Variants in RBFOX1 observed in about 807,000 individuals in gnomAD.
The protein encoded by RBFOX1 is RNA binding fox-1 homolog 1.
Under a neutral mutation model 57.7 loss-of-function variants are expected in RBFOX1, and 8 were observed. The ratio of observed to expected loss-of-function variants is 0.14; its 90% CI spans 0.08 to 0.25. The LOEUF (loss-of-function observed/expected upper bound fraction) is 0.25. Ranked by LOEUF, RBFOX1 falls within the 10% of genes least tolerant of loss-of-function variation. The pLI, the probability that RBFOX1 is intolerant of heterozygous loss-of-function variation, is 1.00. For missense variants in RBFOX1, 611 were observed against 548.5 expected (o/e 1.11, Z -1.14); for synonymous variants, 326 against 222.4 (o/e 1.47, Z -4.15).
At chr16:7,304,797 G>A (rs1451534876) in intron 4 of RBFOX1, among the ~76,000 whole-genome samples, 1 of 152,112 alleles carries the variant, frequency 6.6e-6, no homozygotes, top group Non-Finnish European at 1.5e-5. Flanking sequence ...GGTGATCTGA[G>A]TCTAAGACCC....
At chr16:5,689,803 A>AT (rs1218847154) in intron 3 of RBFOX1, among the ~76,000 whole-genome samples, 1 of 46,946 alleles carries the variant, frequency 2.1e-5, no homozygotes, top group Non-Finnish European at 1.4e-4. Flanking sequence ...AGAAATACAG[A>AT]CCAAAAAAAA....
At chr16:7,281,338 G>C (rs971457644) in intron 4 of RBFOX1, among the ~76,000 whole-genome samples, 1 of 151,472 alleles carries the variant, frequency 6.6e-6, no homozygotes, top group African/African-American at 2.4e-5. Flanking sequence ...TCTGCTTGGG[G>C]GGTAGTTTAG....
At chr16:6,679,829 A>C (rs150040901) in intron 3 of RBFOX1, among the ~76,000 whole-genome samples, 1 of 150,564 alleles carries the variant, frequency 6.6e-6, no homozygotes, top group Non-Finnish European at 1.5e-5. Flanking sequence ...ATGCAGAGAA[A>C]GGCTAAACAA....
intron 2 of RBFOX1, among the ~76,000 whole-genome samples, chr16:6,398,028 A>C (rs9930831): frequency 6.6e-6 from 1 of 152,152 alleles, no homozygotes; most frequent in African/African-American, 2.4e-5. Flanking sequence ...AACCATAAAC[A>C]TAAGTCCAAC....
intron 4 of RBFOX1, among the ~76,000 whole-genome samples, chr16:7,092,477 C>T (rs1009962902): frequency 1.3e-5 from 2 of 152,242 alleles, no homozygotes; most frequent in Non-Finnish European, 2.9e-5. Context: ...TTTTCCACAA[C>T]AGCCTCTTTA....
At chr16:6,869,140 C>T (rs1316900856) in intron 3 of RBFOX1, among the ~76,000 whole-genome samples, 6 of 152,196 alleles carry the variant, frequency 3.9e-5, no homozygotes, top group Non-Finnish European at 8.8e-5. Context: ...GCTTATGCAT[C>T]TTGCCTCTTG....
At chr16:6,891,372 A>C (rs1001771025) in intron 3 of RBFOX1, among the ~76,000 whole-genome samples, 4 of 152,124 alleles carry the variant, frequency 2.6e-5, no homozygotes, top group African/African-American at 9.7e-5. Context: ...ACAGACACTA[A>C]ATTTGGGTCT....
intron 4 of RBFOX1, among the ~76,000 whole-genome samples, chr16:5,877,399 G>A (rs1167780330): frequency 6.6e-6 from 1 of 152,236 alleles, no homozygotes; most frequent in Non-Finnish European, 1.5e-5. Context: ...TAGCTAAGCT[G>A]TAATAGAAGT....
intron 4 of RBFOX1, among the ~76,000 whole-genome samples, chr16:7,092,630 G>T (rs1426639210): frequency 6.6e-6 from 1 of 152,152 alleles, no homozygotes; most frequent in African/African-American, 2.4e-5. Flanking sequence ...ATATGTATTT[G>T]TTCAGTGGGT....
intron 12 of RBFOX1, 114 bp from the exon 13 acceptor site, chr16:7,664,815 G>C (rs1318890836): frequency 6.3e-6 from 10 of 1,586,944 alleles, no homozygotes; most frequent in Middle Eastern, 1.7e-4. Flanking sequence ...ACGATCCTCG[G>C]TTCCTGTGTT....
chr16:5,921,491 C>T (rs891813241), intron 4 of RBFOX1, among the ~76,000 whole-genome samples: 47 of 152,012 alleles, frequency 3.1e-4, no homozygotes, highest in African/African-American at 1.1e-3. Flanking sequence ...TGAGAAGGAC[C>T]GATGAGGGCA....
At position 5,745,558 on chromosome 16, in the gene RBFOX1, A is replaced by C. The variant is rs148867291; in HGVS notation, c.319-121745A>C. On this transcript the variant is annotated intron_variant, in intron 3 of 19. Coordinates refer to the RBFOX1 transcript ENST00000641259. ...GGTTGAACTAGTTTACAGTCCCACCAGCAGTGTAAAAGTGTTCCTATTTCT... is the reference window on the plus strand; with the variant it reads ...GGTTGAACTAGTTTACAGTCCCACCCGCAGTGTAAAAGTGTTCCTATTTCT... Among the ~76,000 whole-genome samples the C allele has an allele frequency of 6.2e-3, 947 of 152,356 alleles. 10 individuals carry two copies. The highest frequency in any genetic ancestry group is 0.021 in the African/African-American group (888 of 41,582).
At chr16:6,218,128 C>G (rs2097348116) in intron 1 of RBFOX1, among the ~76,000 whole-genome samples, 1 of 152,072 alleles carries the variant, frequency 6.6e-6, no homozygotes, top group Non-Finnish European at 1.5e-5. Flanking sequence ...GAGTCCCATA[C>G]ACATTATTTT....
chr16:6,824,601 C>A (rs76204973), intron 3 of RBFOX1, among the ~76,000 whole-genome samples: 1 of 152,068 alleles, frequency 6.6e-6, no homozygotes, highest in Non-Finnish European at 1.5e-5. Flanking sequence ...TAAAGGTGTG[C>A]TGTTTTGTCA....
chr16:6,080,534 A>G (rs1470975566), intron 1 of RBFOX1, among the ~76,000 whole-genome samples: 1 of 152,256 alleles, frequency 6.6e-6, no homozygotes, highest in Non-Finnish European at 1.5e-5. Context: ...GAAGAAACTT[A>G]CAATGAATGC....
chr16:6,502,154 T>C (rs1402649253), intron 2 of RBFOX1, among the ~76,000 whole-genome samples: 1 of 152,132 alleles, frequency 6.6e-6, no homozygotes, highest in Non-Finnish European at 1.5e-5. Context: ...GCATTGGCTT[T>C]AGCTAGTAGG....
Position 6,366,818 on chromosome 16 carries a change from T to C in RBFOX1, c.-64+49761T>C, listed in dbSNP as rs141125061. Among the ~76,000 whole-genome samples, 1,369 of 152,288 alleles carry C rather than the reference T, an allele frequency of 9.0e-3. 24 individuals are homozygous for C. Among genetic ancestry groups the C allele is most frequent in the African/African-American group, 0.029 (1,220 of 41,550 alleles). The stretch of plus-strand genomic sequence containing the variant: ...AAAATTAGGCACCAGTGTCTTTTGG[T>C]GTCAGGAATCTCTGCTTTTGTGCTT... On this transcript the variant is annotated intron_variant, in intron 2 of 15. Transcript: ENST00000550418.
chr16:6,564,328 A>G (rs1480536665), intron 2 of RBFOX1, among the ~76,000 whole-genome samples: 1 of 152,104 alleles, frequency 6.6e-6, no homozygotes. Flanking sequence ...ACAGTGGAGT[A>G]TTATTCAGCT....
chr16:5,834,777 G>GC (rs2056405362), intron 3 of RBFOX1, among the ~76,000 whole-genome samples: 62 of 19,806 alleles, frequency 3.1e-3, no homozygotes, highest in Non-Finnish European at 4.9e-3. Flanking sequence ...ATGCACAGAT[G>GC]ATAGATAGAT....
Sources: gnomAD v4.1 joint callset for allele counts (sites outside exome capture counted in the v4.1 genomes callset) on GRCh38, gnomAD v4.1.1 for gene constraint, MANE v1.5 for transcripts, NCBI Gene and HGNC (gene_info 2026-07-23, HGNC 2026-07-21) for gene names.